The following STXBP5L variants were observed in gnomAD, a reference collection of about 807,000 sequenced individuals.
STXBP5L encodes the protein syntaxin-binding protein 5-like.
Under a neutral mutation model 144.5 loss-of-function variants are expected in STXBP5L, and 65 were observed. That is an observed-to-expected ratio of 0.45 (90% CI 0.37 to 0.55). The LOEUF is 0.55. STXBP5L is among the 20% of genes least tolerant of loss of function. The pLI is 0.00. For missense variants in STXBP5L, 1,298 were observed against 1,405.5 expected (o/e 0.92, Z 1.22); for synonymous variants, 505 against 469.6 (o/e 1.08, Z -0.97).
chr3:121,006,229 G>A (rs1232676155), intron 3 of STXBP5L, among the ~76,000 whole-genome samples: 3 of 152,070 alleles, frequency 2.0e-5, no homozygotes, highest in Non-Finnish European at 2.9e-5. Flanking sequence ...TGTGAATCTG[G>A]GTGCCCCTGT....
At chr3:121,233,812 C>A in intron 12 of STXBP5L, 124 bp downstream of exon 12, 1 of 724,896 alleles carries the variant, frequency 1.4e-6, no homozygotes, top group Non-Finnish European at 2.1e-6. Flanking sequence ...TACAGAAATG[C>A]ACTTTGGTTC....
intron 2 of STXBP5L, among the ~76,000 whole-genome samples, chr3:120,938,636 TAAATTC>T (rs901397268): frequency 3.3e-5 from 5 of 152,204 alleles, no homozygotes; most frequent in African/African-American, 9.6e-5. Flanking sequence ...TCTCTGGTCT[TAAATTC>T]ATATAGGGCA....
At chr3:121,025,065 G>T (rs906025979) in intron 3 of STXBP5L, among the ~76,000 whole-genome samples, 14 of 152,068 alleles carry the variant, frequency 9.2e-5, no homozygotes, top group Admixed American at 9.2e-4. Flanking sequence ...CCTTGGCAAG[G>T]CTTGAAGAGA....
chr3:120,971,576 C>T (rs1436008667), intron 3 of STXBP5L, among the ~76,000 whole-genome samples: 1 of 151,644 alleles, frequency 6.6e-6, no homozygotes, highest in African/African-American at 2.4e-5. Flanking sequence ...ATCCATATTG[C>T]TGCAAAATAC....
chr3:121,163,025 A>G (rs2046376466), intron 9 of STXBP5L, among the ~76,000 whole-genome samples: 1 of 152,150 alleles, frequency 6.6e-6, no homozygotes, highest in Non-Finnish European at 1.5e-5. Context: ...ATTCCTCAAG[A>G]ATCTAGAACC....
At chr3:121,017,789 GGGGGGTGGTGAAGGTGATGGTT>G in intron 3 of STXBP5L, among the ~76,000 whole-genome samples, 2 of 151,382 alleles carry the variant, frequency 1.3e-5, no homozygotes, top group African/African-American at 4.8e-5. Flanking sequence ...TAAATAAATG[GGGGGGTGGTGAAGGTGATGGTT>G]CATGGCTGTA....
intron 11 of STXBP5L, 123 bp from the exon 12 acceptor site, chr3:121,233,493 C>T: frequency 1.7e-6 from 1 of 578,642 alleles, no homozygotes; most frequent in Non-Finnish European, 2.8e-6. Context: ...CTTACTTTGG[C>T]TTATAGTTTG....
chr3:121,314,555 GC>G (rs2108521747), intron 19 of STXBP5L, among the ~76,000 whole-genome samples: 1 of 147,042 alleles, frequency 6.8e-6, no homozygotes, highest in South Asian at 2.2e-4. Context: ...GTACCGTCCA[GC>G]TTTGGCTCGG....
At chr3:121,038,808 T>A (rs1037139082) in intron 3 of STXBP5L, among the ~76,000 whole-genome samples, 18 of 152,054 alleles carry the variant, frequency 1.2e-4, no homozygotes, top group Middle Eastern at 3.4e-3. Context: ...TATGTTTTTT[T>A]AATAATTTAA....
chr3:121,079,599 G>T (rs1366189791), intron 5 of STXBP5L, among the ~76,000 whole-genome samples: 1 of 152,144 alleles, frequency 6.6e-6, no homozygotes. Flanking sequence ...AATAATTCAA[G>T]AGCGTATTAT....
intron 3 of STXBP5L, among the ~76,000 whole-genome samples, chr3:120,994,873 G>A (rs1042801142): frequency 2.6e-5 from 4 of 151,960 alleles, no homozygotes; most frequent in African/African-American, 9.7e-5. Flanking sequence ...CATACATTTG[G>A]TAGAACTTGG....
chr3:121,259,323 T>C (rs1463441787), intron 18 of STXBP5L, among the ~76,000 whole-genome samples, 155 bp downstream of exon 18: 1 of 152,174 alleles, frequency 6.6e-6, no homozygotes, highest in Non-Finnish European at 1.5e-5. Context: ...AAATTTACAT[T>C]ATGGTTTTTT....
At chr3:120,923,428 T>G (rs1709453494) in intron 2 of STXBP5L, among the ~76,000 whole-genome samples, 3 of 152,016 alleles carry the variant, frequency 2.0e-5, no homozygotes, top group Non-Finnish European at 4.4e-5. Context: ...GTATCTTAGG[T>G]TGTTTATTTG....
At chr3:121,073,866 C>T (rs2041910531) in intron 5 of STXBP5L, among the ~76,000 whole-genome samples, 1 of 152,240 alleles carries the variant, frequency 6.6e-6, no homozygotes, top group Admixed American at 6.5e-5. Context: ...TCTCTTTTCA[C>T]TCATGTCCAA....
intron 5 of STXBP5L, among the ~76,000 whole-genome samples, chr3:121,094,516 C>T (rs530188331): frequency 2.0e-5 from 3 of 152,052 alleles, no homozygotes; most frequent in African/African-American, 4.8e-5. Context: ...AGTCCCTTTA[C>T]CATTATGTAA....
chr3:120,987,454 A>G (rs910595060), intron 3 of STXBP5L, among the ~76,000 whole-genome samples: 13 of 151,878 alleles, frequency 8.6e-5, no homozygotes, highest in East Asian at 3.9e-4. Flanking sequence ...CCCATTTTAT[A>G]TTTTGATTAT....
chr3:121,167,914 A>T (rs2046560477), intron 9 of STXBP5L, among the ~76,000 whole-genome samples: 1 of 152,106 alleles, frequency 6.6e-6, no homozygotes, highest in Admixed American at 6.5e-5. Flanking sequence ...GGGCCAACAG[A>T]CACCTCATAC....
chr3:121,175,032 T>A (rs773651588), intron 9 of STXBP5L, among the ~76,000 whole-genome samples: 10 of 152,096 alleles, frequency 6.6e-5, no homozygotes, highest in Admixed American at 1.3e-4. Context: ...GAAACACTTT[T>A]GAAGTTTATC....
chr3:121,155,928 T>C (rs1348883809), intron 8 of STXBP5L, among the ~76,000 whole-genome samples: 1 of 151,940 alleles, frequency 6.6e-6, no homozygotes, highest in Non-Finnish European at 1.5e-5. Flanking sequence ...CCATCTTTGA[T>C]GGCAAAACAG....
Sources: gnomAD v4.1 joint callset for allele counts (sites outside exome capture counted in the v4.1 genomes callset) on GRCh38, gnomAD v4.1.1 for gene constraint, MANE v1.5 for transcripts, NCBI Gene and HGNC (gene_info 2026-07-23, HGNC 2026-07-21) for gene names.